ITGA9: variants seen among roughly 807,000 people sequenced by gnomAD.
ITGA9 encodes integrin alpha-9.
Under a neutral mutation model 127.8 loss-of-function variants are expected in ITGA9, and 56 were observed. That is an observed-to-expected ratio of 0.44 (90% CI 0.35 to 0.55). The LOEUF (loss-of-function observed/expected upper bound fraction) is 0.55, where lower values mean the gene tolerates loss of function less well. Among genes scored for constraint, ITGA9 ranks in the 20% least tolerant of loss-of-function variants. The probability of loss-of-function intolerance (pLI) is 0.00; values close to 1 mark genes in which losing one functional copy is unlikely to be tolerated. For synonymous variants in ITGA9, 508 were observed against 514.5 expected (o/e 0.99, Z 0.17); for missense variants, 1,196 against 1,347.1 (o/e 0.89, Z 1.76).
At chr3:37,570,818 T>G (rs1054382807) in intron 15 of ITGA9, among the ~76,000 whole-genome samples, 1 of 152,194 alleles carries the variant, frequency 6.6e-6, no homozygotes, top group Non-Finnish European at 1.5e-5. Flanking sequence ...AGAATCCAAG[T>G]TATGAGAACC....
chr3:37,638,098 C>A lies in ITGA9; in HGVS notation c.1839+8762C>A, dbSNP rs548129294. On this transcript the variant is annotated intron_variant, in intron 16 of 27. Coordinates refer to ENST00000264741, the MANE Select transcript of ITGA9 (RefSeq NM_002207.3). ...ATTATGGAGGTGAAGGAGTGGGGAT[C>A]GTTATGTGAGATAAATTCCTGTCTA... is the stretch of plus-strand genomic sequence containing the variant. Among the ~76,000 whole-genome samples the A allele has an allele frequency of 2.0e-5, 3 of 151,980 alleles. No individual in the cohort carries two copies. In the East Asian group the frequency reaches 5.8e-4, roughly 29 times the overall value.
chr3:37,639,344 A>G (rs1336994264), intron 16 of ITGA9, among the ~76,000 whole-genome samples: 1 of 152,238 alleles, frequency 6.6e-6, no homozygotes, highest in Non-Finnish European at 1.5e-5. Flanking sequence ...AATAATTTAC[A>G]AAGTGAGATT....
In ITGA9 at chr3:37,620,649, G is replaced by A. The variant is rs192403538; in HGVS notation, c.1690-8538G>A. 3.4e-3 allele frequency among the ~76,000 whole-genome samples: 517 copies of A among 152,270 alleles called. 7 individuals are homozygous for A. The highest frequency in any genetic ancestry group is 0.011 in the African/African-American group (471 of 41,550). On this transcript the variant is annotated intron_variant, in intron 15 of 27. Coordinates refer to ENST00000264741, the MANE Select transcript of ITGA9 (RefSeq NM_002207.3). ...TGAACTGGCTGACATCAAAGTTGTC[G>A]CTTTGCCTGGTCCTGTCACCTCTCT...
chr3:37,507,291 G>C (rs1443004625), intron 7 of ITGA9, among the ~76,000 whole-genome samples: 1 of 152,200 alleles, frequency 6.6e-6, no homozygotes, highest in Non-Finnish European at 1.5e-5. Flanking sequence ...CATTGATGTT[G>C]TCTTCTTGGG....
At chr3:37,697,307 G>GTTATTA (rs143332603) in intron 18 of ITGA9, among the ~76,000 whole-genome samples, 38 of 143,660 alleles carry the variant, frequency 2.6e-4, no homozygotes, top group South Asian at 9.0e-4. Context: ...GACTACTTCT[G>GTTATTA]TTATTATTAT....
intron 17 of ITGA9, among the ~76,000 whole-genome samples, chr3:37,654,536 A>G (rs1700459238): frequency 6.6e-6 from 1 of 151,930 alleles, no homozygotes; most frequent in Non-Finnish European, 1.5e-5. Context: ...GGGGCCAGAA[A>G]CCCCTCTATT....
At chr3:37,783,444 T>C (rs182434462) in intron 25 of ITGA9, among the ~76,000 whole-genome samples, 36 of 152,264 alleles carry the variant, frequency 2.4e-4, no homozygotes, top group Middle Eastern at 3.4e-3. Flanking sequence ...TGGGCTCAAG[T>C]GATCTTCCTG....
At chr3:37,517,112 A>G (rs1171045051) in intron 9 of ITGA9, among the ~76,000 whole-genome samples, 8 of 152,246 alleles carry the variant, frequency 5.3e-5, no homozygotes, top group Non-Finnish European at 2.9e-5. Flanking sequence ...AAAAAATAGA[A>G]AAATGTATAC....
At chr3:37,774,532 C>CAAA (rs60606543) in intron 23 of ITGA9, among the ~76,000 whole-genome samples, 19 of 135,514 alleles carry the variant, frequency 1.4e-4, no homozygotes, top group African/African-American at 4.8e-4. Flanking sequence ...CTATCTCTAC[C>CAAA]AAAAAAAAAA....
intron 18 of ITGA9, among the ~76,000 whole-genome samples, chr3:37,711,327 A>G (rs968886421): frequency 6.6e-6 from 1 of 152,210 alleles, no homozygotes; most frequent in Non-Finnish European, 1.5e-5. Flanking sequence ...GACTTTCCCC[A>G]ATGAAACCAT....
intron 23 of ITGA9, among the ~76,000 whole-genome samples, chr3:37,768,336 T>TAAG (rs1220485083): frequency 6.6e-6 from 1 of 152,186 alleles, no homozygotes; most frequent in Non-Finnish European, 1.5e-5. Context: ...TGGTATCATT[T>TAAG]CTCAGTTATT....
chr3:37,546,073 C>A (rs951030534), intron 15 of ITGA9, among the ~76,000 whole-genome samples: 2 of 152,186 alleles, frequency 1.3e-5, no homozygotes, highest in Non-Finnish European at 2.9e-5. Context: ...AATCAGCCAA[C>A]TTTTGGTCTC....
At chr3:37,757,401 G>C (rs1425722714) in intron 23 of ITGA9, among the ~76,000 whole-genome samples, 1 of 151,846 alleles carries the variant, frequency 6.6e-6, no homozygotes, top group Non-Finnish European at 1.5e-5. Flanking sequence ...GTTGGCTCAT[G>C]CCTGTAATCC....
chr3:37,577,253 T>C (rs761582560), intron 15 of ITGA9, among the ~76,000 whole-genome samples: 10 of 152,394 alleles, frequency 6.6e-5, no homozygotes, highest in Non-Finnish European at 1.2e-4. Flanking sequence ...CTGCCCCACT[T>C]CCAGTTTCTT....
chr3:37,701,829 A>T (rs897256761), intron 18 of ITGA9, among the ~76,000 whole-genome samples: 1 of 152,126 alleles, frequency 6.6e-6, no homozygotes, highest in Non-Finnish European at 1.5e-5. Flanking sequence ...GGTCCTCACT[A>T]AGACAAAATA....
rs75968397 is a variant in ITGA9 at position 37,503,960 on chromosome 3, A to C, written c.742+653A>C. The stretch of plus-strand genomic sequence containing the variant: ...CTTTAATTTATGCCCTAAATGCTAT[A>C]ATTCTGGATTGAAAGCGAAGCTAAA... On this transcript the variant is annotated intron_variant, in intron 6 of 27. Transcript: ENST00000264741. 4.6e-3 allele frequency among the ~76,000 whole-genome samples: 701 copies of C among 152,344 alleles called. 5 individuals carry two copies. The highest frequency in any genetic ancestry group is 0.016 in the African/African-American group (666 of 41,578).
intron 15 of ITGA9, among the ~76,000 whole-genome samples, chr3:37,614,076 T>G (rs1028667380): frequency 6.6e-6 from 1 of 152,242 alleles, no homozygotes; most frequent in East Asian, 1.9e-4. Context: ...TAGGTTTTCT[T>G]CTAGGGTTTT....
intron 14 of ITGA9, 143 bp downstream of exon 14, chr3:37,533,611 G>T (rs1699180496): frequency 2.7e-6 from 2 of 754,176 alleles, no homozygotes; most frequent in Non-Finnish European, 4.5e-6. Context: ...TTCCCTCTGA[G>T]GTTCCTCCCC....
intron 12 of ITGA9, among the ~76,000 whole-genome samples, chr3:37,523,902 A>G (rs1220673547): frequency 6.6e-6 from 1 of 152,192 alleles, no homozygotes; most frequent in African/African-American, 2.4e-5. Flanking sequence ...GCCACATCTA[A>G]AATGGTTGAA....
Sources: gnomAD v4.1 joint callset for allele counts (sites outside exome capture counted in the v4.1 genomes callset) on GRCh38, gnomAD v4.1.1 for gene constraint, MANE v1.5 for transcripts, NCBI Gene and HGNC (gene_info 2026-07-23, HGNC 2026-07-21) for gene names.